Variants in DPP6 observed in about 807,000 individuals in gnomAD.
DPP6 encodes the protein dipeptidyl peptidase like 6, also known as A-type potassium channel modulatory protein DPP6.
In DPP6, 69 loss-of-function variants were observed where a neutral mutation model predicts 122.6. That is an observed-to-expected ratio of 0.56 (90% CI 0.46 to 0.69). The LOEUF (loss-of-function observed/expected upper bound fraction) is 0.69, where lower values mean the gene tolerates loss of function less well. Among genes scored for constraint, DPP6 ranks in the 30% least tolerant of loss-of-function variants. The pLI, the probability that DPP6 is intolerant of heterozygous loss-of-function variation, is 0.00. For synonymous variants in DPP6, 418 were observed against 433.1 expected (o/e 0.97, Z 0.43); for missense variants, 928 against 1,116.9 (o/e 0.83, Z 2.41).
At chr7:154,538,276 A>T (rs938498596) in intron 3 of DPP6, among the ~76,000 whole-genome samples, 4 of 152,126 alleles carry the variant, frequency 2.6e-5, no homozygotes, top group African/African-American at 9.7e-5. Context: ...CATGTGCAGG[A>T]TGTGCAGGTT....
At chr7:154,302,943 A>G (rs1454774169) in intron 1 of DPP6, among the ~76,000 whole-genome samples, 3 of 152,010 alleles carry the variant, frequency 2.0e-5, no homozygotes, top group Admixed American at 1.3e-4. Context: ...AACAGATGGG[A>G]GCTCAACATT....
intron 2 of DPP6, among the ~76,000 whole-genome samples, chr7:154,471,904 A>C (rs986344234): frequency 2.6e-5 from 4 of 152,220 alleles, no homozygotes; most frequent in African/African-American, 9.6e-5. Context: ...AAATGTAATT[A>C]TTTTAAATTT....
chr7:154,183,827 T>A (rs1228947722), intron 1 of DPP6, among the ~76,000 whole-genome samples: 1 of 152,176 alleles, frequency 6.6e-6, no homozygotes, highest in African/African-American at 2.4e-5. Context: ...AATGAATCAC[T>A]CAGCACCGGG....
rs572979905 is a variant in DPP6 at position 154,614,987 on chromosome 7, T to C, written c.628-22834T>C. 3.3e-5 allele frequency among the ~76,000 whole-genome samples: 5 copies of C among 152,348 alleles called. No homozygotes were observed. In the East Asian group the frequency reaches 9.6e-4, roughly 29 times the overall value. On this transcript the variant is annotated intron_variant, in intron 5 of 25. Coordinates refer to ENST00000377770, the MANE Select transcript of DPP6 (RefSeq NM_130797.4). ...GTCCATGGGTGAATCTTTCATTCAG[T>C]GCAGGCTACGTTGGGCGCTGTGGTC...
In DPP6 at chr7:154,663,033, G is replaced by A. The variant is rs201394445; in HGVS notation, c.681-6327G>A. ...CGCAGTCATGGTGAATCACCATGGC[G>A]TGTTGGCCCTAGTGTTCACGCAGTC... On this transcript the variant is annotated intron_variant, in intron 6 of 25. Coordinates refer to ENST00000377770, the MANE Select transcript of DPP6 (RefSeq NM_130797.4). Among the ~76,000 whole-genome samples the A allele has an allele frequency of 1.2e-3, 67 of 57,848 alleles. 9 individuals are homozygous for A. The highest frequency in any genetic ancestry group is 2.9e-3 in the African/African-American group (65 of 22,128). The allele number at this position is 57,848 out of a possible 152,430, so 38.0% of individuals were successfully genotyped here. A position where few individuals can be genotyped will look rare whatever the true frequency, so the allele number is the denominator to read the frequency against.
At chr7:153,991,515 G>A (rs1291794685) in intron 1 of DPP6, among the ~76,000 whole-genome samples, 11 of 152,104 alleles carry the variant, frequency 7.2e-5, no homozygotes, top group Non-Finnish European at 1.6e-4. Context: ...TAAAAACGGA[G>A]CATTGATTTT....
At chr7:154,581,953 A>T (rs939787985) in intron 5 of DPP6, among the ~76,000 whole-genome samples, 7 of 152,200 alleles carry the variant, frequency 4.6e-5, no homozygotes, top group African/African-American at 1.7e-4. Flanking sequence ...ACCCAGAGGC[A>T]GCCTTAGGCC....
At chr7:154,144,423 A>C (rs1234539573) in intron 1 of DPP6, among the ~76,000 whole-genome samples, 1 of 152,058 alleles carries the variant, frequency 6.6e-6, no homozygotes, top group Non-Finnish European at 1.5e-5. Context: ...CAATCTTTTC[A>C]ATTATAATTT....
chr7:154,244,432 T>C (rs573055884), intron 1 of DPP6, among the ~76,000 whole-genome samples: 1 of 152,284 alleles, frequency 6.6e-6, no homozygotes, highest in East Asian at 1.9e-4. Flanking sequence ...CAGAAAATGA[T>C]AATTACAGTA....
upstream of DPP6, among the ~76,000 whole-genome samples, chr7:154,050,624 A>G (rs1414577657): frequency 9.4e-4 from 142 of 150,726 alleles, no homozygotes; most frequent in Non-Finnish European, 5.2e-4. Context: ...TATCTATCTA[A>G]TTGTGGTGAC....
In DPP6 at chr7:153,989,929, G is replaced by T. The variant is rs1346068994; in HGVS notation, c.51+102195G>T. 1.9e-3 allele frequency among the ~76,000 whole-genome samples: 282 copies of T among 149,950 alleles called. 4 individuals are homozygous for T. Among genetic ancestry groups the T allele is most frequent in the African/African-American group, 6.5e-3 (264 of 40,660 alleles). Reference sequence around the variant, plus strand: ...CCTGCCACCTGCCAGCCTCGCAGTGGCCAGCCCCGCCCCCAGCAAGCCCCA... The same window carrying T: ...CCTGCCACCTGCCAGCCTCGCAGTGTCCAGCCCCGCCCCCAGCAAGCCCCA... On this transcript the variant is annotated intron_variant, in intron 1 of 25. Transcript: ENST00000404039.
chr7:154,594,638 C>T lies in DPP6; in HGVS notation c.627+27722C>T, dbSNP rs10224749. ...TTATTTAACTTCTTAGTATACATAC[C>T]TGATTCCCACCTTTAAGTATCCTAA... On this transcript the variant is annotated intron_variant, in intron 5 of 25. Transcript: ENST00000377770. Among the ~76,000 whole-genome samples the T allele has an allele frequency of 8.1e-3, 1,227 of 152,222 alleles. 20 individuals carry two copies. The highest frequency in any genetic ancestry group is 0.028 in the African/African-American group (1,166 of 41,512).
chr7:153,792,280 C>A, the DPP6 span, among the ~76,000 whole-genome samples: 1 of 152,198 alleles, frequency 6.6e-6, no homozygotes, highest in South Asian at 2.1e-4. Context: ...AAAATATCTT[C>A]TAGGACTTAG....
At chr7:153,894,985 G>T (rs776338792) in intron 1 of DPP6, among the ~76,000 whole-genome samples, 2 of 152,114 alleles carry the variant, frequency 1.3e-5, no homozygotes, top group Non-Finnish European at 2.9e-5. Context: ...AAAATGAAGT[G>T]AAACATGCAT....
At chr7:154,866,075 C>T (rs1387808866) in intron 17 of DPP6, among the ~76,000 whole-genome samples, 1 of 152,178 alleles carries the variant, frequency 6.6e-6, no homozygotes, top group African/African-American at 2.4e-5. Context: ...GGTCAGGTCC[C>T]TCTTGGAGGA....
chr7:154,553,627 C>T (rs190419072), intron 4 of DPP6, among the ~76,000 whole-genome samples: 18 of 152,216 alleles, frequency 1.2e-4, no homozygotes, highest in Admixed American at 9.8e-4. Context: ...CAGCTGATAG[C>T]TGATAGTCCT....
At chr7:154,017,699 T>TAAAAA (rs1299925458) in intron 1 of DPP6, among the ~76,000 whole-genome samples, 1 of 86,722 alleles carries the variant, frequency 1.2e-5, no homozygotes, top group African/African-American at 4.9e-5. Context: ...GCCCTTGTCC[T>TAAAAA]AAAAAAAATA....
intron 7 of DPP6, among the ~76,000 whole-genome samples, chr7:154,674,480 C>T (rs894798131): frequency 6.6e-6 from 1 of 152,108 alleles, no homozygotes; most frequent in African/African-American, 2.4e-5. Flanking sequence ...TGCATCATCA[C>T]GTTTTCCTTT....
At chr7:154,498,018 C>T (rs1316614056) in intron 3 of DPP6, among the ~76,000 whole-genome samples, 1 of 152,204 alleles carries the variant, frequency 6.6e-6, no homozygotes, top group South Asian at 2.1e-4. Flanking sequence ...AGAAGATATT[C>T]TGTCATCAGG....
Sources: gnomAD v4.1 joint callset for allele counts (sites outside exome capture counted in the v4.1 genomes callset) on GRCh38, gnomAD v4.1.1 for gene constraint, MANE v1.5 for transcripts, NCBI Gene and HGNC (gene_info 2026-07-23, HGNC 2026-07-21) for gene names.